The following ACACA variants were observed in gnomAD, a reference collection of about 807,000 sequenced individuals.
ACACA encodes acetyl-CoA carboxylase alpha.
A neutral mutation model predicts 296.1 loss-of-function variants in ACACA; 103 were observed. The observed-to-expected ratio is 0.35, with a 90% CI of 0.30 to 0.41. ACACA has a LOEUF of 0.41. Among genes scored for constraint, ACACA ranks in the 10% least tolerant of loss-of-function variants. ACACA has a pLI of 1.00. For synonymous variants in ACACA, 953 were observed against 1,038.6 expected (o/e 0.92, Z 1.58); for missense variants, 1,554 against 2,989.7 (o/e 0.52, Z 11.20).
At chr17:37,245,713 C>G (rs1161044399) in intron 19 of ACACA, among the ~76,000 whole-genome samples, 6 of 152,104 alleles carry the variant, frequency 3.9e-5, no homozygotes, top group Non-Finnish European at 5.9e-5. Flanking sequence ...CAAAGACCCC[C>G]TAAGAGATCT....
At chr17:37,173,900 A>C (rs2076968214) in intron 41 of ACACA, among the ~76,000 whole-genome samples, 1 of 135,164 alleles carries the variant, frequency 7.4e-6, no homozygotes, top group Non-Finnish European at 1.6e-5. Context: ...TGCATCCTCC[A>C]CCTCCTGGGC....
chr17:37,376,164 T>C (rs375673502), intron 1 of ACACA: 6 of 1,599,606 alleles, frequency 3.8e-6, no homozygotes, highest in Non-Finnish European at 5.1e-6. Context: ...TGTAATTCTC[T>C]AGCCTAATCT....
intron 3 of ACACA, among the ~76,000 whole-genome samples, chr17:37,318,228 G>T (rs1598475019): frequency 6.6e-6 from 1 of 152,194 alleles, no homozygotes; most frequent in East Asian, 1.9e-4. Context: ...AAAATTTCCT[G>T]CACTTTCTTT....
At chr17:37,229,962 G>A (rs995655532) in intron 25 of ACACA, among the ~76,000 whole-genome samples, 5 of 152,032 alleles carry the variant, frequency 3.3e-5, no homozygotes, top group Admixed American at 3.3e-4. Context: ...AGCTACTTGG[G>A]AGGCTGAGGC....
intron 28 of ACACA, chr17:37,222,119 G>A (rs2079323005): frequency 2.1e-6 from 1 of 470,736 alleles, no homozygotes; most frequent in African/African-American, 2.0e-5. Flanking sequence ...AAACCCTGGA[G>A]AAGGTTTAAT....
chr17:37,308,917 A>G (rs2146976351), intron 3 of ACACA, among the ~76,000 whole-genome samples: 1 of 152,334 alleles, frequency 6.6e-6, no homozygotes, highest in Non-Finnish European at 1.5e-5. Flanking sequence ...AATAAAATAA[A>G]ATAAAAATGA....
rs1234651261 is a variant in ACACA at position 37,172,572 on chromosome 17, C to A, written c.5079+6688G>T. ...CTTACTTAGAATGGGAATAAAAGAACAAAAACATAGAATTAACATAAAATT... is the reference window on the plus strand; with the variant it reads ...CTTACTTAGAATGGGAATAAAAGAAAAAAAACATAGAATTAACATAAAATT... On this transcript the variant is annotated intron_variant, in intron 41 of 55. Coordinates refer to ENST00000616317, the MANE Select transcript of ACACA (RefSeq NM_198834.3). Among the ~76,000 whole-genome samples the A allele has an allele frequency of 2.0e-5, 3 of 152,136 alleles. No individual in the cohort carries two copies. The East Asian group carries it at 5.8e-4, about 29-fold the overall frequency.
In ACACA at chr17:37,314,830, G is replaced by A. The variant is rs544492268; in HGVS notation, c.338+15343C>T. On this transcript the variant is annotated intron_variant, in intron 3 of 55. Transcript: ENST00000616317. ...TAAGTTTTGTATCTTTAGTAGAGAC[G>A]TGGTTTCACTGTGTTGGCCAGGCTG... Among the ~76,000 whole-genome samples the A allele has an allele frequency of 5.3e-5, 8 of 151,196 alleles. No homozygotes were observed. The South Asian group carries it at 1.0e-3, about 20-fold the overall frequency.
rs139549526 is a variant in ACACA at position 37,256,827 on chromosome 17, T to C, written c.1826+876A>G. ...ACCATATATTAGGATTAATTACTAA[T>C]AAACAAATGCTATTTATTAGTAATT... On this transcript the variant is annotated intron_variant, in intron 14 of 55. Transcript: ENST00000616317. 3.4e-3 allele frequency among the ~76,000 whole-genome samples: 520 copies of C among 152,292 alleles called. 2 individuals are homozygous for C. Among genetic ancestry groups the C allele is most frequent in the African/African-American group, 0.012 (499 of 41,564 alleles).
At chr17:37,352,499 G>C (rs1293510730) in intron 1 of ACACA, among the ~76,000 whole-genome samples, 1 of 151,942 alleles carries the variant, frequency 6.6e-6, no homozygotes, top group Non-Finnish European at 1.5e-5. Flanking sequence ...GATCGCTTGA[G>C]CCCAGGAGTT....
At chr17:37,262,771 C>T (rs2081573111) in intron 11 of ACACA, among the ~76,000 whole-genome samples, 1 of 151,920 alleles carries the variant, frequency 6.6e-6, no homozygotes, top group East Asian at 1.9e-4. Context: ...GCTCTGTCAC[C>T]CAGGTTGGAG....
intron 45 of ACACA, among the ~76,000 whole-genome samples, chr17:37,133,389 T>G (rs1186359890): frequency 6.6e-6 from 1 of 152,164 alleles, no homozygotes; most frequent in Non-Finnish European, 1.5e-5. Flanking sequence ...CTCAAGTGGT[T>G]TTAATGATTT....
intron 50 of ACACA, among the ~76,000 whole-genome samples, chr17:37,115,998 T>C (rs1184645601): frequency 6.6e-6 from 1 of 151,488 alleles, no homozygotes; most frequent in East Asian, 1.9e-4. Flanking sequence ...TTTTTTGAGG[T>C]GGGGAGCGGG....
intron 50 of ACACA, 30 bp downstream of exon 50, chr17:37,121,325 G>GC: frequency 6.2e-7 from 1 of 1,613,738 alleles, no homozygotes; most frequent in Non-Finnish European, 8.5e-7. Context: ...AATCAGTGAT[G>GC]CCCCTCCAGC....
intron 45 of ACACA, chr17:37,140,627 G>A (rs1042234000): frequency 1.2e-5 from 2 of 172,014 alleles, no homozygotes; most frequent in Non-Finnish European, 2.6e-5. Context: ...AGCCACAGTT[G>A]GAGCCTGGGT....
intron 22 of ACACA, among the ~76,000 whole-genome samples, chr17:37,242,783 A>T (rs1389567339): frequency 1.3e-5 from 2 of 152,098 alleles, no homozygotes; most frequent in Admixed American, 6.6e-5. Flanking sequence ...TCACGCCTGT[A>T]ATCCCAGCAC....
At chr17:37,278,124 T>A (rs2146506589) in intron 5 of ACACA, 119 bp from the exon 6 acceptor site, 1 of 765,674 alleles carries the variant, frequency 1.3e-6, no homozygotes, top group Non-Finnish European at 2.3e-6. Flanking sequence ...CAAACAGCAT[T>A]AGTAGGATAA....
intron 20 of ACACA, 48 bp from the exon 21 acceptor site, chr17:37,244,782 G>T: frequency 6.2e-7 from 1 of 1,611,204 alleles, no homozygotes; most frequent in Non-Finnish European, 8.5e-7. Context: ...TTTGATCTAA[G>T]GTACAAACAC....
At chr17:37,335,842 GA>G in intron 2 of ACACA, among the ~76,000 whole-genome samples, 1 of 152,200 alleles carries the variant, frequency 6.6e-6, no homozygotes, top group East Asian at 1.9e-4. Context: ...GCTAACCGCG[GA>G]AAGCGGGGGA....
Sources: allele counts gnomAD v4.1 joint callset (sites outside exome capture counted in the v4.1 genomes callset), GRCh38; gene constraint gnomAD v4.1.1; transcripts MANE v1.5; gene names NCBI Gene and HGNC (gene_info 2026-07-23, HGNC 2026-07-21).